Variants in KCNIP4 observed in about 807,000 individuals in gnomAD.
KCNIP4 encodes potassium voltage-gated channel interacting protein 4.
Under a neutral mutation model 34.0 loss-of-function variants are expected in KCNIP4, and 12 were observed. The observed-to-expected ratio is 0.35, with a 90% CI of 0.23 to 0.57. The LOEUF (loss-of-function observed/expected upper bound fraction) is 0.57. Among genes scored for constraint, KCNIP4 ranks in the 20% least tolerant of loss-of-function variants. KCNIP4 has a pLI of 0.83. For synonymous variants in KCNIP4, 124 were observed against 102.2 expected, an observed-to-expected ratio of 1.21 and a Z score of -1.29; for missense variants, 238 against 311.7, an observed-to-expected ratio of 0.76 and a Z score of 1.78.
chr4:21,868,567 T>C (rs1260659663), intron 1 of KCNIP4, among the ~76,000 whole-genome samples: 1 of 152,176 alleles, frequency 6.6e-6, no homozygotes, highest in Non-Finnish European at 1.5e-5. Flanking sequence ...TAGTATTTGA[T>C]AGCTAACACT....
At chr4:20,763,214 CT>C (rs1755087645) in intron 3 of KCNIP4, among the ~76,000 whole-genome samples, 1 of 152,160 alleles carries the variant, frequency 6.6e-6, no homozygotes, top group South Asian at 2.1e-4. Context: ...TGAGCATTTA[CT>C]TTGAATGCCA....
intron 1 of KCNIP4, among the ~76,000 whole-genome samples, chr4:21,452,156 A>G (rs978574640): frequency 1.3e-5 from 2 of 152,126 alleles, no homozygotes; most frequent in Admixed American, 1.3e-4. Flanking sequence ...CAAGATGATA[A>G]TAAGCCAGAT....
chr4:20,967,258 T>C (rs1398647375), intron 1 of KCNIP4, among the ~76,000 whole-genome samples: 1 of 152,100 alleles, frequency 6.6e-6, no homozygotes, highest in African/African-American at 2.4e-5. Flanking sequence ...TGGGCCTGCC[T>C]CTTATGAAAG....
intron 1 of KCNIP4, among the ~76,000 whole-genome samples, chr4:21,637,201 T>C (rs377530603): frequency 5.9e-5 from 9 of 152,282 alleles, no homozygotes; most frequent in African/African-American, 2.2e-4. Flanking sequence ...TTTATATCCG[T>C]TTTAATTCTC....
intron 1 of KCNIP4, among the ~76,000 whole-genome samples, chr4:21,381,820 A>C (rs1047436272): frequency 2.6e-5 from 4 of 152,152 alleles, no homozygotes; most frequent in Non-Finnish European, 5.9e-5. Context: ...ATTGAGGAGG[A>C]GTAAGTATTA....
chr4:21,418,309 C>T (rs1188792217), intron 1 of KCNIP4, among the ~76,000 whole-genome samples: 3 of 152,052 alleles, frequency 2.0e-5, no homozygotes, highest in African/African-American at 7.2e-5. Context: ...TCTCCCTGTG[C>T]ATATAATAGG....
chr4:21,190,326 GTTCGTTGGTATTGGTTAGTA>G (rs1560794808), intron 1 of KCNIP4, among the ~76,000 whole-genome samples: 7 of 152,076 alleles, frequency 4.6e-5, no homozygotes, highest in African/African-American at 1.2e-4. Flanking sequence ...ATTAGTATTG[GTTCGTTGGTATTGGTTAGTA>G]TTCATTAGTA....
chr4:20,737,035 A>T (rs1485201161), intron 5 of KCNIP4, among the ~76,000 whole-genome samples: 1 of 152,224 alleles, frequency 6.6e-6, no homozygotes, highest in East Asian at 1.9e-4. Flanking sequence ...TAATGGTGCC[A>T]AGACCATTCA....
intron 1 of KCNIP4, among the ~76,000 whole-genome samples, chr4:20,987,663 C>T (rs1361279390): frequency 6.6e-6 from 1 of 152,088 alleles, no homozygotes; most frequent in Non-Finnish European, 1.5e-5. Context: ...TAGCTACCAA[C>T]ATTTATGGAG....
intron 1 of KCNIP4, among the ~76,000 whole-genome samples, chr4:21,098,593 C>T (rs1338379396): frequency 6.6e-6 from 1 of 152,086 alleles, no homozygotes; most frequent in Non-Finnish European, 1.5e-5. Context: ...ATGTGACTTA[C>T]TGAATATGTT....
intron 1 of KCNIP4, among the ~76,000 whole-genome samples, chr4:21,135,273 CA>C (rs1751417985): frequency 1.3e-5 from 2 of 152,294 alleles, no homozygotes; most frequent in East Asian, 3.9e-4. Flanking sequence ...GCAGTGCTTT[CA>C]AAATGATATG....
At chr4:21,501,688 T>TTGTGTGTGTGTGTGTG (rs370071298) in intron 1 of KCNIP4, among the ~76,000 whole-genome samples, 8,496 of 127,156 alleles carry the variant, frequency 0.067, 639 homozygotes, top group African/African-American at 0.15. Flanking sequence ...TGCAGAAGCC[T>TTGTGTGTGTGTGTGTG]TGTGTGTGTG....
At chr4:21,255,694 G>T (rs982752038) in intron 1 of KCNIP4, among the ~76,000 whole-genome samples, 1 of 151,612 alleles carries the variant, frequency 6.6e-6, no homozygotes, top group African/African-American at 2.4e-5. Context: ...GGCTCAACCA[G>T]GCAAAACCTA....
At chr4:21,481,568 A>C (rs2109834091) in intron 1 of KCNIP4, among the ~76,000 whole-genome samples, 1 of 152,268 alleles carries the variant, frequency 6.6e-6, no homozygotes, top group South Asian at 2.1e-4. Context: ...GATATGCAAA[A>C]CAAGCAGCTC....
chr4:21,820,174 G>C (rs1306680974), intron 1 of KCNIP4, among the ~76,000 whole-genome samples: 1 of 150,552 alleles, frequency 6.6e-6, no homozygotes, highest in African/African-American at 2.4e-5. Context: ...TTTTACTCTT[G>C]TGCAAATCAC....
At chr4:21,063,323 G>T (rs964256138) in intron 1 of KCNIP4, among the ~76,000 whole-genome samples, 6 of 152,118 alleles carry the variant, frequency 3.9e-5, no homozygotes, top group Non-Finnish European at 7.4e-5. Context: ...CTACACTAAA[G>T]TTAAATATTT....
intron 1 of KCNIP4, among the ~76,000 whole-genome samples, chr4:21,053,435 C>T (rs967564439): frequency 1.3e-5 from 2 of 152,180 alleles, no homozygotes; most frequent in Non-Finnish European, 2.9e-5. Context: ...AAAATCTAGA[C>T]ACTTTCCAAT....
chr4:21,686,490 TA>T (rs1363926042), intron 1 of KCNIP4, among the ~76,000 whole-genome samples: 4 of 152,176 alleles, frequency 2.6e-5, no homozygotes, highest in Non-Finnish European at 5.9e-5. Context: ...TTAAAAACAT[TA>T]AAATTCAACT....
At chr4:21,485,544 T>C (rs1224305713) in intron 1 of KCNIP4, among the ~76,000 whole-genome samples, 2 of 152,184 alleles carry the variant, frequency 1.3e-5, no homozygotes, top group Non-Finnish European at 2.9e-5. Context: ...CGCTCTGGCA[T>C]ATTCTGCCAC....
Sources: gnomAD v4.1 joint callset for allele counts (sites outside exome capture counted in the v4.1 genomes callset) on GRCh38, gnomAD v4.1.1 for gene constraint, MANE v1.5 for transcripts, NCBI Gene and HGNC (gene_info 2026-07-23, HGNC 2026-07-21) for gene names.